The following JARID2 variants were observed in gnomAD, a reference collection of about 807,000 sequenced individuals.
The protein encoded by JARID2 is jumonji and AT-rich interaction domain containing 2.
Under a neutral mutation model 125.6 loss-of-function variants are expected in JARID2, and 21 were observed. That is an observed-to-expected ratio of 0.17 (90% CI 0.12 to 0.24). The LOEUF is 0.24. Among genes scored for constraint, JARID2 ranks in the 10% least tolerant of loss-of-function variants. The pLI, the probability that JARID2 is intolerant of heterozygous loss-of-function variation, is 1.00. For missense variants in JARID2, 1,303 were observed against 1,639.6 expected (o/e 0.79, Z 3.55); for synonymous variants, 736 against 661.6 (o/e 1.11, Z -1.73).
At chr6:15,253,944 G>C (rs1759554040) in intron 1 of JARID2, among the ~76,000 whole-genome samples, 2 of 152,132 alleles carry the variant, frequency 1.3e-5, no homozygotes, top group Non-Finnish European at 1.5e-5. Flanking sequence ...CCCCTTTTGA[G>C]TTCAGAGGAC....
intron 3 of JARID2, among the ~76,000 whole-genome samples, chr6:15,442,943 G>C (rs534158445): frequency 1.8e-4 from 28 of 152,286 alleles, no homozygotes; most frequent in Non-Finnish European, 2.9e-4. Context: ...TGTGCAGGAT[G>C]TCACCAGCTA....
At chr6:15,287,738 C>T (rs768686820) in intron 1 of JARID2, among the ~76,000 whole-genome samples, 7 of 152,260 alleles carry the variant, frequency 4.6e-5, no homozygotes, top group Admixed American at 6.5e-5. Flanking sequence ...GCCTTAGCTT[C>T]GGTGTCATTT....
At chr6:15,512,698 G>C (rs1016886076) in intron 14 of JARID2, among the ~76,000 whole-genome samples, 9 of 152,114 alleles carry the variant, frequency 5.9e-5, no homozygotes, top group Non-Finnish European at 1.2e-4. Context: ...CATCGTGAGG[G>C]AGTGGCAGCT....
chr6:15,260,060 C>T (rs1167446881), intron 1 of JARID2, among the ~76,000 whole-genome samples: 3 of 152,198 alleles, frequency 2.0e-5, no homozygotes, highest in Non-Finnish European at 4.4e-5. Context: ...GGTATTGACA[C>T]TCTGACAGAT....
At chr6:15,442,991 G>C (rs553220120) in intron 3 of JARID2, among the ~76,000 whole-genome samples, 1 of 152,020 alleles carries the variant, frequency 6.6e-6, no homozygotes, top group East Asian at 1.9e-4. Flanking sequence ...TTTTATTTGG[G>C]AAAAAGTTCA....
intron 1 of JARID2, among the ~76,000 whole-genome samples, chr6:15,318,845 AGGGGGT>A (rs1762260658): frequency 6.6e-6 from 1 of 152,114 alleles, no homozygotes; most frequent in Non-Finnish European, 1.5e-5. Context: ...TAGGCGAGAA[AGGGGGT>A]GGTGGTTATT....
At chr6:15,253,451 C>G (rs559269254) in intron 1 of JARID2, among the ~76,000 whole-genome samples, 6 of 151,268 alleles carry the variant, frequency 4.0e-5, no homozygotes, top group African/African-American at 1.4e-4. Context: ...GTGGAAGACT[C>G]ATGTTTCCAG....
rs1561857128 is a variant in JARID2, at chr6:15,428,939, C to CA, written c.323+18574_323+18575insA. On this transcript the variant is annotated intron_variant, in intron 3 of 17. Transcript: ENST00000341776. ...AACAAAAAAAAAACAAACCCCCCCC[C>CA]CAAAAAAAAAAAAAACTTCTAGAGT... Among the ~76,000 whole-genome samples, 829 of 145,656 alleles carry CA rather than the reference C, an allele frequency of 5.7e-3. 20 individuals carry two copies. Among genetic ancestry groups the CA allele is most frequent in the African/African-American group, 0.02 (774 of 38,652 alleles).
intron 3 of JARID2, among the ~76,000 whole-genome samples, chr6:15,432,468 AAC>A (rs769473865): frequency 0.087 from 13,139 of 151,770 alleles, 749 homozygotes; most frequent in South Asian, 0.15. Context: ...CAACAACAAC[AAC>A]AACAACAACA....
chr6:15,371,012 C>T (rs3846949), intron 1 of JARID2, among the ~76,000 whole-genome samples: 56,065 of 152,040 alleles, frequency 0.37, 10,661 homozygotes, highest in African/African-American at 0.46. Flanking sequence ...GATTACAAAA[C>T]ACTTGTGTGT....
At chr6:15,513,618 C>T (rs1771388050) in intron 16 of JARID2, among the ~76,000 whole-genome samples, 196 bp downstream of exon 16, 1 of 152,238 alleles carries the variant, frequency 6.6e-6, no homozygotes, top group Non-Finnish European at 1.5e-5. Flanking sequence ...CCAGGCCACA[C>T]AGAGGCTGTC....
intron 1 of JARID2, among the ~76,000 whole-genome samples, chr6:15,298,851 C>A (rs1287501819): frequency 6.6e-6 from 1 of 152,024 alleles, no homozygotes; most frequent in African/African-American, 2.4e-5. Context: ...TAGTTTACAT[C>A]TTTAAAAGTG....
intron 3 of JARID2, among the ~76,000 whole-genome samples, chr6:15,442,648 T>C (rs1767496846): frequency 6.6e-6 from 1 of 152,200 alleles, no homozygotes; most frequent in African/African-American, 2.4e-5. Flanking sequence ...CAGCCTTCCA[T>C]AGGTGGTAAA....
intron 5 of JARID2, among the ~76,000 whole-genome samples, chr6:15,483,819 G>C (rs892178865): frequency 6.6e-6 from 1 of 152,132 alleles, no homozygotes; most frequent in East Asian, 1.9e-4. Context: ...TCCTTTTGAG[G>C]AGCTATCTGA....
rs1278323266 is a variant in JARID2 at position 15,428,926 on chromosome 6, AC to A, written c.323+18562del. ...GTCTCAAAAAAACAACAAAAAAAAA[AC>A]AAACCCCCCCCCCAAAAAAAAAAAA... On this transcript the variant is annotated intron_variant, in intron 3 of 17. Coordinates refer to ENST00000341776, the MANE Select transcript of JARID2 (RefSeq NM_004973.4). Among the ~76,000 whole-genome samples the A allele has an allele frequency of 5.6e-4, 74 of 132,612 alleles. 1 individual carries two copies. The highest frequency in any genetic ancestry group is 3.9e-3 in the East Asian group (17 of 4,410). The allele number at this position is 132,612 out of a possible 152,430, so 87.0% of individuals were successfully genotyped here. A position where few individuals can be genotyped will look rare whatever the true frequency, so the allele number is the denominator to read the frequency against.
chr6:15,280,311 A>G (rs564215844), intron 1 of JARID2, among the ~76,000 whole-genome samples: 1 of 152,318 alleles, frequency 6.6e-6, no homozygotes, highest in African/African-American at 2.4e-5. Context: ...AAACTAAAGC[A>G]GGGCCAAGTT....
At chr6:15,281,337 GATA>G (rs1478584500) in intron 1 of JARID2, among the ~76,000 whole-genome samples, 1 of 152,152 alleles carries the variant, frequency 6.6e-6, no homozygotes, top group Non-Finnish European at 1.5e-5. Context: ...ATGCTATTAA[GATA>G]ATAACTTTGT....
At chr6:15,434,458 G>A (rs1767117576) in intron 3 of JARID2, among the ~76,000 whole-genome samples, 1 of 152,136 alleles carries the variant, frequency 6.6e-6, no homozygotes, top group African/African-American at 2.4e-5. Context: ...AGGGTCAGCT[G>A]TCATCTTTGT....
At chr6:15,435,017 A>G (rs553292180) in intron 3 of JARID2, among the ~76,000 whole-genome samples, 3 of 152,298 alleles carry the variant, frequency 2.0e-5, no homozygotes, top group South Asian at 4.1e-4. Context: ...GTTAGTTTCA[A>G]TGTTTGTTCA....
Sources: gnomAD v4.1 joint callset for allele counts (sites outside exome capture counted in the v4.1 genomes callset) on GRCh38, gnomAD v4.1.1 for gene constraint, MANE v1.5 for transcripts, NCBI Gene and HGNC (gene_info 2026-07-23, HGNC 2026-07-21) for gene names.